ZNF385D: variants seen among roughly 807,000 people sequenced by gnomAD.
ZNF385D encodes zinc finger protein 385D, also known as zinc finger protein 659.
ZNF385D carries 15 observed loss-of-function variants against 35.8 expected under a neutral mutation model. The ratio of observed to expected loss-of-function variants is 0.42; its 90% confidence interval spans 0.28 to 0.64. The LOEUF is 0.64. Among genes scored for constraint, ZNF385D ranks in the 30% least tolerant of loss-of-function variants. The pLI is 0.23. For missense variants in ZNF385D, 474 were observed against 494.6 expected (o/e 0.96, Z 0.39); for synonymous variants, 212 against 186.8 (o/e 1.13, Z -1.10).
rs768237331 is a variant in ZNF385D, at chr3:21,969,651, G to A, written c.325+199166C>T. ...CTCATCATCCTGACGAGAAGGAAAC[G>A]AAGCTGGCTGGATTCACCATCTGCT... On this transcript the variant is annotated intron_variant, in intron 3 of 5. Coordinates refer to the ZNF385D transcript ENST00000494108. Among the ~76,000 whole-genome samples the A allele has an allele frequency of 8.3e-4, 126 of 152,266 alleles. 1 individual carries two copies. The highest frequency in any genetic ancestry group is 2.8e-3 in the African/African-American group (115 of 41,566).
intron 2 of ZNF385D, among the ~76,000 whole-genome samples, chr3:22,171,404 A>G (rs1694414992): frequency 6.6e-6 from 1 of 152,252 alleles, no homozygotes; most frequent in African/African-American, 2.4e-5. Context: ...TTGCTTACAC[A>G]TGAGAAATTC....
intron 3 of ZNF385D, among the ~76,000 whole-genome samples, chr3:21,758,626 G>C (rs1481450108): frequency 6.6e-6 from 1 of 152,080 alleles, no homozygotes; most frequent in Non-Finnish European, 1.5e-5. Context: ...TACACTCTTA[G>C]AGGCTTTTGT....
chr3:21,722,336 T>C (rs1198511945), intron 1 of ZNF385D, among the ~76,000 whole-genome samples: 1 of 152,204 alleles, frequency 6.6e-6, no homozygotes, highest in East Asian at 1.9e-4. Context: ...TTTTGTAGGA[T>C]GTTTGTATCT....
intron 3 of ZNF385D, among the ~76,000 whole-genome samples, chr3:22,100,130 G>C (rs1701852315): frequency 6.9e-6 from 1 of 145,290 alleles, no homozygotes; most frequent in Non-Finnish European, 1.5e-5. Context: ...AAACCACAAT[G>C]AGATATCATC....
intron 3 of ZNF385D, among the ~76,000 whole-genome samples, chr3:22,126,580 G>C (rs1052905686): frequency 6.6e-6 from 1 of 151,956 alleles, no homozygotes; most frequent in Non-Finnish European, 1.5e-5. Flanking sequence ...AACGTTTTAA[G>C]ACTTGTTTTG....
intron 3 of ZNF385D, among the ~76,000 whole-genome samples, chr3:22,085,983 C>T: frequency 6.6e-6 from 1 of 152,280 alleles, no homozygotes; most frequent in East Asian, 1.9e-4. Flanking sequence ...GCAGAAAAGG[C>T]CTTCGACAAA....
At chr3:22,345,689 G>GCC (rs756802853) in intron 2 of ZNF385D, among the ~76,000 whole-genome samples, 1 of 152,124 alleles carries the variant, frequency 6.6e-6, no homozygotes, top group African/African-American at 2.4e-5. Context: ...AAACCCAGAT[G>GCC]CCCCCCTTCA....
chr3:22,363,902 C>G (rs1696531690), intron 2 of ZNF385D, among the ~76,000 whole-genome samples: 1 of 152,068 alleles, frequency 6.6e-6, no homozygotes, highest in Non-Finnish European at 1.5e-5. Context: ...ACCAACACCC[C>G]AAAGCATGAA....
chr3:22,009,622 CAAAAAAAAAAATA>C (rs1482468217), intron 3 of ZNF385D, among the ~76,000 whole-genome samples: 3 of 48,382 alleles, frequency 6.2e-5, no homozygotes, highest in Non-Finnish European at 1.2e-4. Flanking sequence ...GACTCTGTCT[CAAAAAAAAAAATA>C]AAAAAAAAAA....
chr3:22,185,081 C>A (rs1356276815), intron 2 of ZNF385D, among the ~76,000 whole-genome samples: 1 of 152,112 alleles, frequency 6.6e-6, no homozygotes, highest in Non-Finnish European at 1.5e-5. Context: ...TTACTATCAA[C>A]TTCAGTTCAC....
chr3:21,990,709 C>A (rs1695101583), intron 3 of ZNF385D, among the ~76,000 whole-genome samples: 2 of 152,194 alleles, frequency 1.3e-5, no homozygotes, highest in African/African-American at 4.8e-5. Context: ...CTTTCCCTCA[C>A]TTTCTTTTTA....
chr3:22,154,659 C>A (rs568866770), intron 3 of ZNF385D, among the ~76,000 whole-genome samples: 1 of 152,158 alleles, frequency 6.6e-6, no homozygotes, highest in East Asian at 1.9e-4. Flanking sequence ...CCTTGCCTCT[C>A]TGGGGCTTCA....
chr3:22,309,451 A>G (rs1341214908), intron 2 of ZNF385D, among the ~76,000 whole-genome samples: 1 of 152,098 alleles, frequency 6.6e-6, no homozygotes, highest in African/African-American at 2.4e-5. Context: ...AAGGGTGAAA[A>G]TAATGACATC....
At chr3:21,509,615 A>G (rs1031069435) in intron 4 of ZNF385D, among the ~76,000 whole-genome samples, 4 of 152,218 alleles carry the variant, frequency 2.6e-5, no homozygotes, top group Non-Finnish European at 4.4e-5. Context: ...AAACTTGGCT[A>G]TATCAGAGAA....
At chr3:22,325,002 A>C (rs1159926411) in intron 2 of ZNF385D, among the ~76,000 whole-genome samples, 1 of 152,236 alleles carries the variant, frequency 6.6e-6, no homozygotes, top group Non-Finnish European at 1.5e-5. Context: ...TGAGGATAAA[A>C]GTTATAATAA....
intron 3 of ZNF385D, among the ~76,000 whole-genome samples, chr3:21,852,213 A>G (rs1696425917): frequency 6.6e-6 from 1 of 151,974 alleles, no homozygotes; most frequent in African/African-American, 2.4e-5. Flanking sequence ...ATTGTTTCCT[A>G]AAGCTACAGG....
intron 2 of ZNF385D, among the ~76,000 whole-genome samples, chr3:21,658,610 T>C (rs17553605): frequency 3.4e-4 from 17 of 50,204 alleles, no homozygotes; most frequent in Non-Finnish European, 8.4e-4. Flanking sequence ...TATTCCACTC[T>C]ATTCATTCAT....
At chr3:22,159,252 C>T (rs988800779) in intron 3 of ZNF385D, among the ~76,000 whole-genome samples, 3 of 152,152 alleles carry the variant, frequency 2.0e-5, no homozygotes, top group African/African-American at 4.8e-5. Flanking sequence ...CAGAGAAGCA[C>T]AAATGAAAAT....
At chr3:22,096,648 CAA>C (rs1701651302) in intron 3 of ZNF385D, among the ~76,000 whole-genome samples, 2 of 152,094 alleles carry the variant, frequency 1.3e-5, no homozygotes, top group African/African-American at 4.8e-5. Context: ...GCAATAAAAT[CAA>C]AAAGACACCC....
Sources: gnomAD v4.1 joint callset for allele counts (sites outside exome capture counted in the v4.1 genomes callset) on GRCh38, gnomAD v4.1.1 for gene constraint, MANE v1.5 for transcripts, NCBI Gene and HGNC (gene_info 2026-07-23, HGNC 2026-07-21) for gene names.